The following MTARC2 variants were observed in gnomAD, a reference collection of about 807,000 sequenced individuals.
The protein encoded by MTARC2 is mitochondrial amidoxime reducing component 2.
Under a neutral mutation model 35.6 loss-of-function variants are expected in MTARC2, and 27 were observed. That is an observed-to-expected ratio of 0.76 (90% CI 0.56 to 1.04). The LOEUF (loss-of-function observed/expected upper bound fraction) is 1.04. Ranked by LOEUF, MTARC2 falls within the 50% of genes least tolerant of loss-of-function variation. MTARC2 has a pLI of 0.00. For synonymous variants in MTARC2, 158 were observed against 167.1 expected, an observed-to-expected ratio of 0.95 and a Z score of 0.42; for missense variants, 412 against 432.5, an observed-to-expected ratio of 0.95 and a Z score of 0.42.
In MTARC2 at chr1:220,769,350, G is replaced by T. The variant is rs80028429; in HGVS notation, c.750+6300G>T. ...AAGCCCGCAGCTAGGGCGGCCAGCGGAAGGCGGATTAACAGGAGACCTGCA... is the reference window on the plus strand; with the variant it reads ...AAGCCCGCAGCTAGGGCGGCCAGCGTAAGGCGGATTAACAGGAGACCTGCA... On this transcript the variant is annotated intron_variant, in intron 4 of 7. Transcript: ENST00000366913. Among the ~76,000 whole-genome samples the T allele has an allele frequency of 9.0e-3, 1,374 of 152,338 alleles. 20 individuals are homozygous for T. The highest frequency in any genetic ancestry group is 0.03 in the African/African-American group (1,227 of 41,578).
rs1174042105 is a variant in MTARC2 at position 220,761,667 on chromosome 1, C to G, written c.456C>G (p.Gly152=). The change falls in exon 3 of 8, where the codon GGC becomes GGG. Residue 152 remains glycine (G), a synonymous_variant. Transcript: ENST00000366913. ...SNKLHNCRIF[G]LDIKGRDCGN... is the part of the protein sequence containing the mutation. ...TTTGTGACCTTTCCAGGATATTTGG[C>G]CTTGACATTAAAGGCAGAGACTGTG... 1.9e-6 allele frequency: 3 copies of G among 1,610,068 alleles called. No individual in the cohort carries two copies. In the African/African-American group the frequency reaches 4.0e-5, roughly 22 times the overall value.
intron 1 of MTARC2, 83 bp downstream of exon 1, chr1:220,748,886 G>A (rs781639433): frequency 2.2e-5 from 31 of 1,433,898 alleles, no homozygotes; most frequent in Non-Finnish European, 2.4e-5. Context: ...GATCTATCTG[G>A]GAAGGACTAT....
At chr1:220,754,421 C>T in intron 1 of MTARC2, 1 of 456,326 alleles carries the variant, frequency 2.2e-6, no homozygotes, top group South Asian at 1.5e-5. Context: ...TGTAGGACCC[C>T]CGCATGCCGC....
chr1:220,782,119 G>A (rs1236804287), intron 7 of MTARC2, among the ~76,000 whole-genome samples, 187 bp downstream of exon 7: 1 of 152,124 alleles, frequency 6.6e-6, no homozygotes, highest in Non-Finnish European at 1.5e-5. Context: ...TCCTACCTCA[G>A]CCTTCTCCAC....
intron 2 of MTARC2, among the ~76,000 whole-genome samples, chr1:220,755,908 A>C (rs956435085): frequency 6.6e-5 from 10 of 152,210 alleles, no homozygotes; most frequent in African/African-American, 2.4e-4. Context: ...TCAAATCTTC[A>C]TTCAGAATTG....
chr1:220,748,531 C>T lies in MTARC2; in HGVS notation c.-1C>T, dbSNP rs1325874350. The T allele has an allele frequency of 2.1e-6, 3 of 1,416,648 alleles. No individual in the cohort carries two copies. The highest frequency in any genetic ancestry group is 1.5e-5 in the South Asian group (1 of 66,702). The allele number at this position is 1,416,648 out of a possible 1,614,324, so 87.8% of individuals were successfully genotyped here. On this transcript the variant is annotated 5_prime_UTR_variant, in exon 1 of 8. Coordinates refer to ENST00000366913, the MANE Select transcript of MTARC2 (RefSeq NM_017898.5). ...CGGTCCGCGCCCGCCCTCGCTCTGC[C>T]ATGGGCGCTTCCAGCTCCTCCGCGC...
At chr1:220,764,945 G>A (rs958291389) in intron 4 of MTARC2, among the ~76,000 whole-genome samples, 1 of 152,208 alleles carries the variant, frequency 6.6e-6, no homozygotes, top group Non-Finnish European at 1.5e-5. Flanking sequence ...CCCAGATACA[G>A]ATGAAAAGAT....
intron 2 of MTARC2, among the ~76,000 whole-genome samples, chr1:220,759,991 G>A (rs962983098): frequency 6.6e-6 from 1 of 152,134 alleles, no homozygotes; most frequent in African/African-American, 2.4e-5. Flanking sequence ...CATCGCCTCA[G>A]GAGTCCTCAC....
chr1:220,780,142 C>G (rs1251083868), intron 5 of MTARC2, 26 bp from the exon 6 acceptor site: 1 of 1,610,408 alleles, frequency 6.2e-7, no homozygotes, highest in Non-Finnish European at 8.5e-7. Flanking sequence ...CTAAGCATCA[C>G]CTAACCCTTG....
intron 2 of MTARC2, among the ~76,000 whole-genome samples, chr1:220,757,457 G>A (rs1272615037): frequency 6.6e-6 from 1 of 152,188 alleles, no homozygotes; most frequent in Non-Finnish European, 1.5e-5. Context: ...AAATAACATA[G>A]ATAGTGTGTT....
At position 220,748,329 on chromosome 1, in the gene MTARC2, G is replaced by A. The variant is rs1391404193; in HGVS notation, c.-203G>A. ...TGTCTGCCTGTCTTCCTCCATTACC[G>A]CGCAGGCTTGGTCACCGCATTAAGG... is the stretch of plus-strand genomic sequence containing the variant. On this transcript the variant is annotated 5_prime_UTR_variant, in exon 1 of 8. Coordinates refer to ENST00000366913, the MANE Select transcript of MTARC2 (RefSeq NM_017898.5). 4.2e-6 allele frequency: 2 copies of A among 479,580 alleles called. No individual in the cohort carries two copies. The highest frequency in any genetic ancestry group is 6.6e-6 in the Non-Finnish European group (2 of 302,698). 29.7% of individuals were successfully genotyped at this position (479,580 alleles called of 1,614,324 possible).
At chr1:220,775,310 C>T (rs1041809537) in intron 4 of MTARC2, among the ~76,000 whole-genome samples, 4 of 152,194 alleles carry the variant, frequency 2.6e-5, no homozygotes, top group African/African-American at 9.7e-5. Flanking sequence ...ACTCCCCTTT[C>T]TCCTTGCCTT....
intron 4 of MTARC2, among the ~76,000 whole-genome samples, chr1:220,778,454 G>A (rs868039687): frequency 1.3e-5 from 2 of 152,110 alleles, no homozygotes; most frequent in Middle Eastern, 3.4e-3. Flanking sequence ...TAAGCAACCG[G>A]ATCTCGCAAG....
chr1:220,766,862 A>C (rs1289038960), intron 4 of MTARC2, among the ~76,000 whole-genome samples: 1 of 78,708 alleles, frequency 1.3e-5, no homozygotes, highest in Admixed American at 1.7e-4. Flanking sequence ...TAAAAGTACA[A>C]AAAAAAAAAA....
chr1:220,750,008 C>T (rs1671088337), intron 1 of MTARC2, among the ~76,000 whole-genome samples: 1 of 152,094 alleles, frequency 6.6e-6, no homozygotes, highest in South Asian at 2.1e-4. Context: ...CCCACCCTTA[C>T]CCCAGATTTC....
rs1440831406 is a variant in MTARC2 at position 220,781,478 on chromosome 1, G to A, written c.885-300G>A. On this transcript the variant is annotated intron_variant, in intron 6 of 7. Coordinates refer to ENST00000366913, the MANE Select transcript of MTARC2 (RefSeq NM_017898.5). ...GTTTTAGGGGCATTTGTTTCAATGA[G>A]TTGTGAAGTTGAAGGTACCCATATA... Among the ~76,000 whole-genome samples the A allele has an allele frequency of 3.9e-5, 6 of 152,200 alleles. No individual in the cohort carries two copies. The South Asian group carries it at 8.3e-4, about 21-fold the overall frequency.
chr1:220,778,540 G>A (rs1308436918), intron 4 of MTARC2, among the ~76,000 whole-genome samples: 1 of 152,174 alleles, frequency 6.6e-6, no homozygotes, highest in Non-Finnish European at 1.5e-5. Context: ...CCCCATGATT[G>A]AATTCTGTCC....
intron 4 of MTARC2, among the ~76,000 whole-genome samples, chr1:220,779,560 G>A (rs1055362778): frequency 6.6e-5 from 10 of 152,118 alleles, no homozygotes; most frequent in African/African-American, 2.2e-4. Context: ...CAGGCTGCCT[G>A]TCTGTGAAGG....
At position 220,780,205 on chromosome 1, in the gene MTARC2, A is replaced by G. The variant is rs779753389; in HGVS notation, c.850A>G (p.Ile284Val). The change falls in exon 6 of 8, where the codon ATA becomes GTA. Residue 284 changes from isoleucine (I) to valine (V), a missense_variant. Physicochemically the swap from Ile to Val is conservative, Grantham distance 29. Coordinates refer to ENST00000366913, the MANE Select transcript of MTARC2 (RefSeq NM_017898.5). ...AACGGTGGACCCAGACACTGGAGTC[A>G]TAGACAGGAAACAGCCACTGGACAC... ...LTTVDPDTGV[I>V]DRKQPLDTLK... The G allele has an allele frequency of 1.9e-6, 3 of 1,612,986 alleles. No homozygotes were observed. Among genetic ancestry groups the G allele is most frequent in the Non-Finnish European group, 1.7e-6 (2 of 1,179,676 alleles).
Sources: gnomAD v4.1 joint callset for allele counts (sites outside exome capture counted in the v4.1 genomes callset) on GRCh38, gnomAD v4.1.1 for gene constraint, MANE v1.5 for transcripts, NCBI Gene and HGNC (gene_info 2026-07-23, HGNC 2026-07-21) for gene names.